Variants in SLC38A6 observed in about 807,000 individuals in gnomAD.
The protein encoded by SLC38A6 is N system amino acid transporter NAT-1.
A neutral mutation model predicts 65.0 loss-of-function variants in SLC38A6; 73 were observed. The observed-to-expected ratio is 1.12, with a 90% confidence interval of 0.93 to 1.37. SLC38A6 has a LOEUF of 1.37. SLC38A6 is among the 40% of genes most tolerant of loss of function. SLC38A6 has a pLI of 0.00. For missense variants in SLC38A6, 561 were observed against 531.1 expected (o/e 1.06, Z -0.55); for synonymous variants, 183 against 178.8 (o/e 1.02, Z -0.19).
intron 2 of SLC38A6, 146 bp from the exon 3 acceptor site, chr14:60,984,584 C>A: frequency 1.9e-6 from 1 of 519,708 alleles, no homozygotes; most frequent in Non-Finnish European, 3.5e-6. Context: ...AAAGTATCTT[C>A]TTAATTTCCT....
Position 61,011,043 on chromosome 14 carries a change from TC to T in SLC38A6, c.311-4860del, listed in dbSNP as rs2039524379. Among the ~76,000 whole-genome samples, 5 of 152,172 alleles carry T rather than the reference TC, an allele frequency of 3.3e-5. No homozygotes were observed. In the South Asian group the frequency reaches 1.0e-3, roughly 32 times the overall value. The stretch of plus-strand genomic sequence containing the variant: ...TGGAATGTTCTTCCATTTGTTTGTA[TC>T]TTCTTTTATTTCATTGAGCAGTGGT... On this transcript the variant is annotated intron_variant, in intron 3 of 15. Coordinates refer to ENST00000267488, the MANE Select transcript of SLC38A6 (RefSeq NM_153811.3).
chr14:61,032,585 A>G (rs1484933809), intron 6 of SLC38A6, among the ~76,000 whole-genome samples: 1 of 151,888 alleles, frequency 6.6e-6, no homozygotes, highest in Admixed American at 6.6e-5. Flanking sequence ...AGTTTGCATC[A>G]TCTCTGTTAT....
chr14:61,016,678 A>G (rs2040033684), intron 4 of SLC38A6, among the ~76,000 whole-genome samples: 1 of 152,182 alleles, frequency 6.6e-6, no homozygotes, highest in Non-Finnish European at 1.5e-5. Context: ...ATATTTTTTA[A>G]TTTCTGAAGA....
At chr14:61,036,353 A>G (rs983167599) in intron 6 of SLC38A6, among the ~76,000 whole-genome samples, 2 of 152,086 alleles carry the variant, frequency 1.3e-5, no homozygotes, top group African/African-American at 4.8e-5. Flanking sequence ...ACAGAAAACC[A>G]AACACCGCAT....
Position 61,030,529 on chromosome 14 carries a change from A to G in SLC38A6, c.482+6A>G. 6.3e-7 allele frequency: 1 copy of G among 1,585,010 alleles called. No individual in the cohort carries two copies. Among genetic ancestry groups the G allele is most frequent in the East Asian group, 2.2e-5 (1 of 44,618 alleles). On this transcript the variant is annotated splice_donor_region_variant and intron_variant, in intron 6 of 15. Transcript: ENST00000267488. ...TTGACTGGAGACTATAGTAGGTAAG[A>G]AAAAGTATTTTACATTGTGTCCGTT...
intron 3 of SLC38A6, among the ~76,000 whole-genome samples, chr14:60,989,583 G>A (rs1196258166): frequency 6.6e-6 from 1 of 152,096 alleles, no homozygotes; most frequent in African/African-American, 2.4e-5. Context: ...AAAAATTTGT[G>A]TGAGGTGACA....
chr14:61,083,320 T>C (rs1190060804), intron 16 of SLC38A6, among the ~76,000 whole-genome samples: 1 of 152,182 alleles, frequency 6.6e-6, no homozygotes, highest in Non-Finnish European at 1.5e-5. Context: ...GGTTCTGGGT[T>C]CTGGAAACCT....
intron 3 of SLC38A6, among the ~76,000 whole-genome samples, chr14:61,010,990 C>T (rs1174570754): frequency 1.3e-5 from 2 of 152,102 alleles, no homozygotes; most frequent in African/African-American, 4.8e-5. Context: ...GCCATTTTCA[C>T]GACATTGATT....
Position 60,982,504 on chromosome 14 carries a change from A to T in SLC38A6, c.106-4A>T, listed in dbSNP as rs1299841597. 1.2e-6 allele frequency: 2 copies of T among 1,605,898 alleles called. No individual in the cohort carries two copies. Among genetic ancestry groups the T allele is most frequent in the Non-Finnish European group, 8.5e-7 (1 of 1,177,844 alleles). ...TTAACACTACTAAATTTGTGTGCTTACAGGAACTTCACAGACAGCGATCCC... is the reference window on the plus strand; with the variant it reads ...TTAACACTACTAAATTTGTGTGCTTTCAGGAACTTCACAGACAGCGATCCC... On this transcript the variant is annotated splice_region_variant and splice_polypyrimidine_tract_variant and intron_variant, in intron 1 of 15. Transcript: ENST00000267488.
intron 6 of SLC38A6, among the ~76,000 whole-genome samples, chr14:61,036,537 C>T (rs1202209662): frequency 6.6e-6 from 1 of 152,086 alleles, no homozygotes; most frequent in Non-Finnish European, 1.5e-5. Flanking sequence ...TGCAGCATAC[C>T]ACCATGGCAC....
intron 15 of SLC38A6, among the ~76,000 whole-genome samples, chr14:61,076,117 A>T (rs2043408120): frequency 6.6e-6 from 1 of 151,960 alleles, no homozygotes; most frequent in Admixed American, 6.6e-5. Flanking sequence ...GGCCTCCCAA[A>T]GTGCTGGGAT....
intron 3 of SLC38A6, among the ~76,000 whole-genome samples, chr14:61,001,281 T>G (rs779136146): frequency 2.0e-5 from 3 of 152,194 alleles, no homozygotes; most frequent in Non-Finnish European, 4.4e-5. Flanking sequence ...AATAATGATC[T>G]GGGCCCAAAA....
In SLC38A6 at chr14:61,030,548, G is replaced by A. The variant is rs368750039; in HGVS notation, c.482+25G>A. 791 of 1,462,910 alleles carry A rather than the reference G, an allele frequency of 5.4e-4. 1 individual carries two copies. Among genetic ancestry groups the A allele is most frequent in the Non-Finnish European group, 7.1e-4 (747 of 1,054,638 alleles). The allele number at this position is 1,462,910 out of a possible 1,614,324, so 90.6% of individuals were successfully genotyped here. ...GGTAAGAAAAAGTATTTTACATTGT[G>A]TCCGTTCATGTATTAATTTGATAAA... On this transcript the variant is annotated intron_variant, in intron 6 of 15. Transcript: ENST00000267488.
chr14:60,993,187 T>A (rs1253421969), intron 3 of SLC38A6, among the ~76,000 whole-genome samples: 1 of 152,170 alleles, frequency 6.6e-6, no homozygotes, highest in African/African-American at 2.4e-5. Context: ...TGGTGCTGTT[T>A]TAAGAGATTT....
chr14:61,054,132 T>G (rs1594760864), downstream of SLC38A6, among the ~76,000 whole-genome samples: 1 of 152,172 alleles, frequency 6.6e-6, no homozygotes, highest in South Asian at 2.1e-4. Flanking sequence ...GAATAGTGAG[T>G]CTTTTCCCCA....
chr14:61,062,525 C>T (rs2042884423), intron 15 of SLC38A6, among the ~76,000 whole-genome samples: 2 of 151,328 alleles, frequency 1.3e-5, no homozygotes, highest in African/African-American at 4.9e-5. Flanking sequence ...CTGGGTCTTG[C>T]TATGTTGCCC....
chr14:61,063,668 C>A (rs533020311), intron 15 of SLC38A6, among the ~76,000 whole-genome samples: 8 of 150,670 alleles, frequency 5.3e-5, no homozygotes, highest in Non-Finnish European at 1.0e-4. Flanking sequence ...GGAAATAAGC[C>A]GAAAAATTGA....
intron 3 of SLC38A6, among the ~76,000 whole-genome samples, chr14:61,011,525 G>T (rs7494021): frequency 6.6e-6 from 1 of 152,068 alleles, no homozygotes; most frequent in African/African-American, 2.4e-5. Flanking sequence ...GTTTGTCATA[G>T]ATAGCTCTTA....
At chr14:61,065,799 G>A (rs1462053129) in intron 15 of SLC38A6, among the ~76,000 whole-genome samples, 1 of 152,194 alleles carries the variant, frequency 6.6e-6, no homozygotes, top group Admixed American at 6.5e-5. Flanking sequence ...AAGGTAAACA[G>A]ATTTTTCTCT....
Sources: gnomAD v4.1 joint callset for allele counts (sites outside exome capture counted in the v4.1 genomes callset) on GRCh38, gnomAD v4.1.1 for gene constraint, MANE v1.5 for transcripts, NCBI Gene and HGNC (gene_info 2026-07-23, HGNC 2026-07-21) for gene names.